Variants in SLC8A1 observed in about 807,000 individuals in gnomAD.
SLC8A1 encodes the protein solute carrier family 8 member A1.
SLC8A1 carries 18 observed loss-of-function variants against 68.3 expected under a neutral mutation model. The ratio of observed to expected loss-of-function variants is 0.26; its 90% CI spans 0.18 to 0.39. SLC8A1 has a LOEUF of 0.39. Ranked by LOEUF, SLC8A1 falls within the 10% of genes least tolerant of loss-of-function variation. SLC8A1 has a pLI of 1.00. For missense variants in SLC8A1, 985 were observed against 1,156.7 expected (o/e 0.85, Z 2.15); for synonymous variants, 475 against 415.5 (o/e 1.14, Z -1.74).
At chr2:40,271,052 T>A (rs2065961765) in intron 2 of SLC8A1, among the ~76,000 whole-genome samples, 1 of 152,186 alleles carries the variant, frequency 6.6e-6, no homozygotes, top group Non-Finnish European at 1.5e-5. Context: ...AAACTGCTTC[T>A]CCTCAGGCTA....
intron 2 of SLC8A1, among the ~76,000 whole-genome samples, chr2:40,335,570 C>T (rs1223343466): frequency 6.6e-6 from 1 of 152,172 alleles, no homozygotes; most frequent in Non-Finnish European, 1.5e-5. Context: ...GCTTCCTTTC[C>T]CTTAATTGTA....
upstream of SLC8A1, among the ~76,000 whole-genome samples, chr2:40,452,690 T>C (rs1702703909): frequency 6.6e-6 from 1 of 151,522 alleles, no homozygotes; most frequent in African/African-American, 2.4e-5. Flanking sequence ...CCTCACCCTG[T>C]GTTTTTCTAC....
At chr2:40,191,184 A>G (rs1243448284) in intron 2 of SLC8A1, among the ~76,000 whole-genome samples, 1 of 152,186 alleles carries the variant, frequency 6.6e-6, no homozygotes, top group Non-Finnish European at 1.5e-5. Flanking sequence ...CAAGGGCATC[A>G]ATATGCCTCC....
At chr2:40,369,448 A>T (rs953603717) in intron 2 of SLC8A1, among the ~76,000 whole-genome samples, 1 of 152,070 alleles carries the variant, frequency 6.6e-6, no homozygotes, top group African/African-American at 2.4e-5. Flanking sequence ...ACATGCATGA[A>T]CTTCAAGAAT....
chr2:40,201,542 C>T (rs1229336587), intron 2 of SLC8A1, among the ~76,000 whole-genome samples: 3 of 151,902 alleles, frequency 2.0e-5, no homozygotes, highest in Non-Finnish European at 2.9e-5. Flanking sequence ...TATAGTATGT[C>T]TCCACTTTCC....
chr2:40,354,531 C>T (rs993484649), intron 2 of SLC8A1, among the ~76,000 whole-genome samples: 1 of 152,108 alleles, frequency 6.6e-6, no homozygotes, highest in African/African-American at 2.4e-5. Flanking sequence ...TTCACACAGT[C>T]AGTCTTTAGT....
At chr2:40,328,124 T>C (rs2076039794) in intron 2 of SLC8A1, among the ~76,000 whole-genome samples, 1 of 152,160 alleles carries the variant, frequency 6.6e-6, no homozygotes, top group South Asian at 2.1e-4. Flanking sequence ...TGGGATATTC[T>C]GAGGTTTGGA....
At position 40,162,009 on chromosome 2, in the gene SLC8A1, A is replaced by G. The variant is rs73927139; in HGVS notation, c.2062-1145T>C. 7.2e-3 allele frequency among the ~76,000 whole-genome samples: 1,096 copies of G among 152,346 alleles called. 10 individuals carry two copies. The highest frequency in any genetic ancestry group is 0.024 in the African/African-American group (1,017 of 41,574). ...CCAAAACCAAATCATAATATCAAGC[A>G]TGTTTGCTCAAGAAGAGTCATTGGA... On this transcript the variant is annotated intron_variant, in intron 5 of 7. Coordinates refer to ENST00000406785, the Ensembl canonical transcript of SLC8A1.
intron 2 of SLC8A1, among the ~76,000 whole-genome samples, chr2:40,351,439 A>C (rs1170210550): frequency 6.6e-6 from 1 of 152,076 alleles, no homozygotes; most frequent in East Asian, 1.9e-4. Context: ...ACCAATCACT[A>C]GGGCTTCATC....
intron 7 of SLC8A1, among the ~76,000 whole-genome samples, chr2:40,117,902 C>G (rs1383467963): frequency 6.6e-6 from 1 of 152,150 alleles, no homozygotes; most frequent in African/African-American, 2.4e-5. Flanking sequence ...GATAAGAAGG[C>G]TTTTTAGGCT....
At chr2:40,472,299 C>T (rs377641309) in intron 1 of SLC8A1, among the ~76,000 whole-genome samples, 1 of 152,080 alleles carries the variant, frequency 6.6e-6, no homozygotes, top group African/African-American at 2.4e-5. Context: ...TAAAATTGCC[C>T]CTTTTATAAG....
At chr2:40,328,659 A>G (rs1275327652) in intron 2 of SLC8A1, among the ~76,000 whole-genome samples, 1 of 152,134 alleles carries the variant, frequency 6.6e-6, no homozygotes, top group Non-Finnish European at 1.5e-5. Flanking sequence ...TGTGGTCTCT[A>G]GATAATCTGA....
At chr2:40,327,843 T>A (rs961525875) in intron 2 of SLC8A1, among the ~76,000 whole-genome samples, 3 of 152,124 alleles carry the variant, frequency 2.0e-5, no homozygotes, top group Admixed American at 1.3e-4. Context: ...ACCCCAAACC[T>A]TAGCATCATG....
chr2:40,376,567 G>A (rs937312538), intron 2 of SLC8A1, among the ~76,000 whole-genome samples: 3 of 147,082 alleles, frequency 2.0e-5, no homozygotes, highest in Non-Finnish European at 3.1e-5. Context: ...CAAAAGTGGC[G>A]AAAGGAAAAG....
chr2:40,400,691 G>C (rs761123652), intron 2 of SLC8A1, among the ~76,000 whole-genome samples: 1 of 152,122 alleles, frequency 6.6e-6, no homozygotes, highest in South Asian at 2.1e-4. Context: ...AGGTGGGAGG[G>C]ACAGAGAGCC....
At chr2:40,450,972 G>T (rs1576586746) in intron 1 of SLC8A1, among the ~76,000 whole-genome samples, 1 of 152,166 alleles carries the variant, frequency 6.6e-6, no homozygotes, top group Non-Finnish European at 1.5e-5. Flanking sequence ...GGGGTGGTGG[G>T]GGGGATAGAG....
At chr2:40,476,863 T>C (rs1228959072) in intron 1 of SLC8A1, among the ~76,000 whole-genome samples, 2 of 152,238 alleles carry the variant, frequency 1.3e-5, no homozygotes, top group Admixed American at 6.5e-5. Context: ...CAGATTTTTC[T>C]GATACAATCA....
chr2:40,408,673 G>T (rs1217244495), intron 2 of SLC8A1, among the ~76,000 whole-genome samples: 1 of 152,168 alleles, frequency 6.6e-6, no homozygotes, highest in Admixed American at 6.6e-5. Context: ...ACACAGAGAA[G>T]CATGCCTTCA....
At chr2:40,397,709 G>C (rs1414965469) in intron 2 of SLC8A1, among the ~76,000 whole-genome samples, 2 of 152,186 alleles carry the variant, frequency 1.3e-5, no homozygotes, top group Non-Finnish European at 2.9e-5. Flanking sequence ...GCATTCAGAA[G>C]TGGAAAGGAT....
Sources: allele counts gnomAD v4.1 joint callset (sites outside exome capture counted in the v4.1 genomes callset), GRCh38; gene constraint gnomAD v4.1.1; transcripts MANE v1.5; gene names NCBI Gene and HGNC (gene_info 2026-07-23, HGNC 2026-07-21).